The following GRIP1 variants were observed in gnomAD, a reference collection of about 807,000 sequenced individuals.
The protein encoded by GRIP1 is glutamate receptor interacting protein 1.
GRIP1 carries 45 observed loss-of-function variants against 129.9 expected under a neutral mutation model. The ratio of observed to expected loss-of-function variants is 0.35; its 90% CI spans 0.27 to 0.44. The LOEUF is 0.44. GRIP1 is among the 20% of genes least tolerant of loss of function. The pLI is 1.00. For synonymous variants in GRIP1, 530 were observed against 520.8 expected (o/e 1.02, Z -0.24); for missense variants, 1,196 against 1,396.8 (o/e 0.86, Z 2.29).
intron 14 of GRIP1, among the ~76,000 whole-genome samples, chr12:66,424,550 A>G (rs545654140): frequency 2.1e-4 from 32 of 152,258 alleles, no homozygotes; most frequent in Middle Eastern, 6.8e-3. Context: ...TAACATACTC[A>G]TATACCCTTC....
At chr12:66,574,901 G>C (rs1376705355) in intron 2 of GRIP1, among the ~76,000 whole-genome samples, 1 of 150,398 alleles carries the variant, frequency 6.6e-6, no homozygotes, top group African/African-American at 2.4e-5. Flanking sequence ...CATCTTCCTG[G>C]TATAACAGGC....
intron 6 of GRIP1, among the ~76,000 whole-genome samples, chr12:66,516,968 T>C (rs998355473): frequency 6.6e-6 from 1 of 152,210 alleles, no homozygotes; most frequent in Non-Finnish European, 1.5e-5. Context: ...AGACCTCATG[T>C]AGAGGGTGGT....
intron 1 of GRIP1, among the ~76,000 whole-genome samples, chr12:66,812,240 T>A (rs1693163340): frequency 6.6e-6 from 1 of 152,198 alleles, no homozygotes; most frequent in South Asian, 2.1e-4. Context: ...TTCAAGCAAT[T>A]CTCCAGCCTC....
chr12:66,679,746 G>A (rs555637278), upstream of GRIP1, among the ~76,000 whole-genome samples: 2 of 152,212 alleles, frequency 1.3e-5, no homozygotes, highest in African/African-American at 2.4e-5. Flanking sequence ...AGAAATAAAG[G>A]CAAACAAGGC....
chr12:66,629,188 T>C (rs1297781219), intron 1 of GRIP1, among the ~76,000 whole-genome samples: 2 of 152,244 alleles, frequency 1.3e-5, no homozygotes, highest in African/African-American at 4.8e-5. Flanking sequence ...GAGGAGGCTC[T>C]ATTCCACAAG....
At chr12:66,820,358 G>T (rs994527497) in intron 1 of GRIP1, among the ~76,000 whole-genome samples, 2 of 152,302 alleles carry the variant, frequency 1.3e-5, no homozygotes, top group Non-Finnish European at 2.9e-5. Context: ...AATACCAAAT[G>T]CTGGTGAGGA....
intron 7 of GRIP1, among the ~76,000 whole-genome samples, chr12:66,468,567 TCAAA>T (rs890593395): frequency 5.9e-5 from 9 of 152,124 alleles, no homozygotes; most frequent in Non-Finnish European, 1.3e-4. Flanking sequence ...TACCCAATAC[TCAAA>T]CAAAGTATTC....
At chr12:66,611,067 T>C (rs2064773170) in intron 1 of GRIP1, among the ~76,000 whole-genome samples, 2 of 152,164 alleles carry the variant, frequency 1.3e-5, no homozygotes, top group Non-Finnish European at 2.9e-5. Flanking sequence ...AAATAACACA[T>C]AATGGCTATT....
At chr12:66,869,604 G>A (rs1033578208) in intron 1 of GRIP1, among the ~76,000 whole-genome samples, 1 of 152,020 alleles carries the variant, frequency 6.6e-6, no homozygotes. Flanking sequence ...GAGCATAAAT[G>A]GCAAAGAAAA....
rs755581667 is a variant in GRIP1, at chr12:66,371,797, C to T, written c.2909G>A (p.Ser970Asn). The T allele has an allele frequency of 9.9e-6, 16 of 1,614,102 alleles. No individual in the cohort carries two copies. The highest frequency in any genetic ancestry group is 4.5e-5 in the East Asian group (2 of 44,892). ...SRPHYSQTTR[S>N]NTLPSDVGRK... ...ACCCACATCTGAAGGCAGGGTGTTG[C>T]TCCGAGTTGTTTGGCTGTAGTGCGG... The change falls in exon 23 of 25, where the codon AGC becomes AAC. Residue 970 changes from serine to asparagine, a missense_variant. Transcript: ENST00000359742.
At chr12:66,800,754 A>C (rs188259932) in intron 1 of GRIP1, among the ~76,000 whole-genome samples, 1 of 152,244 alleles carries the variant, frequency 6.6e-6, no homozygotes, top group East Asian at 1.9e-4. Context: ...CACTACATTC[A>C]AGTTTATGAC....
At chr12:66,392,884 G>T in intron 17 of GRIP1, 68 bp from the exon 18 acceptor site, 1 of 1,415,460 alleles carries the variant, frequency 7.1e-7, no homozygotes, top group Non-Finnish European at 1.0e-6. Flanking sequence ...TAAATTCCCT[G>T]ACATACCTTA....
At chr12:66,934,325 T>C (rs1468739913) in intron 1 of GRIP1, among the ~76,000 whole-genome samples, 1 of 152,188 alleles carries the variant, frequency 6.6e-6, no homozygotes, top group Non-Finnish European at 1.5e-5. Context: ...AACACTTTAG[T>C]TCAGACATTA....
At chr12:66,530,722 C>A (rs1056281733) in intron 4 of GRIP1, among the ~76,000 whole-genome samples, 1 of 84,034 alleles carries the variant, frequency 1.2e-5, no homozygotes, top group East Asian at 3.1e-4. Context: ...CTATATACAC[C>A]ATTTCTGCAT....
chr12:66,476,931 G>C (rs1398159913), intron 7 of GRIP1, among the ~76,000 whole-genome samples: 2 of 152,212 alleles, frequency 1.3e-5, no homozygotes, highest in East Asian at 3.9e-4. Flanking sequence ...ATACTGAATG[G>C]GCAAAAACTG....
At chr12:66,565,076 T>C (rs1437980786) in intron 2 of GRIP1, among the ~76,000 whole-genome samples, 2 of 152,164 alleles carry the variant, frequency 1.3e-5, no homozygotes, top group East Asian at 1.9e-4. Flanking sequence ...TGTAGGTTGC[T>C]GGTTCACTCT....
At chr12:66,654,866 T>C (rs1165539913) in intron 1 of GRIP1, among the ~76,000 whole-genome samples, 1 of 152,136 alleles carries the variant, frequency 6.6e-6, no homozygotes, top group Non-Finnish European at 1.5e-5. Context: ...ATATTGTAAG[T>C]CTGGGAAGCT....
At chr12:66,468,633 G>A (rs903267680) in intron 7 of GRIP1, among the ~76,000 whole-genome samples, 4 of 150,260 alleles carry the variant, frequency 2.7e-5, no homozygotes, top group African/African-American at 9.8e-5. Context: ...TTTTAAAAAG[G>A]TCATCAGGAT....
chr12:66,541,774 C>A (rs973493267), intron 3 of GRIP1, 41 bp downstream of exon 3: 10 of 1,600,882 alleles, frequency 6.2e-6, no homozygotes, highest in Non-Finnish European at 8.6e-6. Context: ...ATTAATTACA[C>A]CCTGTGTTCC....
Sources: allele counts gnomAD v4.1 joint callset (sites outside exome capture counted in the v4.1 genomes callset), GRCh38; gene constraint gnomAD v4.1.1; transcripts MANE v1.5; gene names NCBI Gene and HGNC (gene_info 2026-07-23, HGNC 2026-07-21).